The following POU2AF2 variants were observed in gnomAD, a reference collection of about 807,000 sequenced individuals.
POU2AF2 encodes the protein POU domain class 2-associating factor 2.
the POU2AF2 span, among the ~76,000 whole-genome samples, chr11:111,256,625 G>T: frequency 2.0e-5 from 3 of 152,204 alleles, no homozygotes; most frequent in African/African-American, 7.2e-5. Flanking sequence ...AATGAGTTAG[G>T]CAAAATGACC....
At chr11:111,246,106 G>A in the POU2AF2 span, among the ~76,000 whole-genome samples, 13 of 152,246 alleles carry the variant, frequency 8.5e-5, no homozygotes, top group Non-Finnish European at 1.9e-4. Flanking sequence ...AGAGTTTACA[G>A]AGATATTCTG....
chr11:111,251,257 G>A, the POU2AF2 span, among the ~76,000 whole-genome samples: 3 of 152,174 alleles, frequency 2.0e-5, no homozygotes, highest in Admixed American at 1.3e-4. Context: ...AATTGCTAAA[G>A]AATAGGCTGT....
At chr11:111,249,567 C>T in the POU2AF2 span, among the ~76,000 whole-genome samples, 1 of 152,294 alleles carries the variant, frequency 6.6e-6, no homozygotes, top group South Asian at 2.1e-4. Flanking sequence ...AGAAAGATTT[C>T]ACCCTCACAT....
At chr11:111,284,101 C>G in the POU2AF2 span, 1 of 1,614,176 alleles carries the variant, frequency 6.2e-7, no homozygotes, top group Non-Finnish European at 8.5e-7. Flanking sequence ...CAGGTTACTA[C>G]GGTGTCAGAA....
chr11:111,266,073 C>T, the POU2AF2 span, among the ~76,000 whole-genome samples: 37 of 152,090 alleles, frequency 2.4e-4, 1 homozygote, highest in South Asian at 1.2e-3. Flanking sequence ...TATAATTATA[C>T]TTATCCATCA....
chr11:111,260,426 T>G, the POU2AF2 span, among the ~76,000 whole-genome samples: 1 of 152,206 alleles, frequency 6.6e-6, no homozygotes, highest in South Asian at 2.1e-4. Flanking sequence ...TTAAGTGAAG[T>G]ATCTTTAGAA....
the POU2AF2 span, among the ~76,000 whole-genome samples, chr11:111,253,620 G>A: frequency 4.6e-5 from 7 of 152,034 alleles, no homozygotes; most frequent in East Asian, 5.8e-4. Flanking sequence ...TGATCTTCCC[G>A]CAGCTTTGTG....
the POU2AF2 span, among the ~76,000 whole-genome samples, chr11:111,247,262 T>C: frequency 6.6e-6 from 1 of 151,082 alleles, no homozygotes; most frequent in Non-Finnish European, 1.5e-5. Context: ...GCTGTTTAGG[T>C]TGTCTCTGTA....
chr11:111,273,923 G>T, the POU2AF2 span, among the ~76,000 whole-genome samples: 1 of 152,166 alleles, frequency 6.6e-6, no homozygotes, highest in African/African-American at 2.4e-5. Flanking sequence ...GGATCCTGTT[G>T]TTTGCAGTAT....
chr11:111,251,065 C>A, the POU2AF2 span, among the ~76,000 whole-genome samples: 3 of 152,180 alleles, frequency 2.0e-5, no homozygotes, highest in African/African-American at 7.2e-5. Context: ...AAGGATCATC[C>A]TGTCTACTGT....
the POU2AF2 span, chr11:111,256,096 A>T: frequency 2.5e-6 from 1 of 399,076 alleles, no homozygotes; most frequent in Admixed American, 4.4e-5. Context: ...ACTTAATGTA[A>T]GTCCCAATTT....
the POU2AF2 span, among the ~76,000 whole-genome samples, chr11:111,263,263 A>G: frequency 1.8e-3 from 271 of 152,156 alleles, 10 homozygotes; most frequent in South Asian, 0.054. Context: ...TACTTCAAAT[A>G]TTTCCATTTC....
chr11:111,264,560 GAA>G, the POU2AF2 span, among the ~76,000 whole-genome samples: 3,347 of 56,162 alleles, frequency 0.06, 428 homozygotes, highest in Middle Eastern at 0.11. Flanking sequence ...AAGAAAGAAA[GAA>G]AGAAAGAAAG....
chr11:111,275,901 T>C, the POU2AF2 span, among the ~76,000 whole-genome samples: 1 of 152,106 alleles, frequency 6.6e-6, no homozygotes. Flanking sequence ...TACAGTTGAA[T>C]AAAGAATTAG....
At chr11:111,284,134 C>T in the POU2AF2 span, 1 of 1,614,222 alleles carries the variant, frequency 6.2e-7, no homozygotes, top group Non-Finnish European at 8.5e-7. Flanking sequence ...CTGACTCAGA[C>T]TTCCACAACA....
At chr11:111,262,488 C>G in the POU2AF2 span, among the ~76,000 whole-genome samples, 5 of 152,244 alleles carry the variant, frequency 3.3e-5, no homozygotes, top group Non-Finnish European at 7.3e-5. Flanking sequence ...ATCATGACAT[C>G]TAGATCTGTG....
At chr11:111,253,776 T>C in the POU2AF2 span, among the ~76,000 whole-genome samples, 3 of 152,184 alleles carry the variant, frequency 2.0e-5, no homozygotes, top group South Asian at 6.2e-4. Flanking sequence ...AGAAACATCA[T>C]GATTGACCCC....
chr11:111,265,814 C>T, the POU2AF2 span, among the ~76,000 whole-genome samples: 2 of 151,340 alleles, frequency 1.3e-5, no homozygotes, highest in Admixed American at 1.3e-4. Flanking sequence ...ATAAGTGAAA[C>T]CATTAGAAAG....
At chr11:111,254,780 C>T in the POU2AF2 span, among the ~76,000 whole-genome samples, 26 of 152,096 alleles carry the variant, frequency 1.7e-4, no homozygotes, top group African/African-American at 6.3e-4. Flanking sequence ...GGTTATGTGC[C>T]TCATACGTAC....
Sources: allele counts gnomAD v4.1 joint callset (sites outside exome capture counted in the v4.1 genomes callset), GRCh38; gene constraint gnomAD v4.1.1; transcripts MANE v1.5; gene names NCBI Gene and HGNC (gene_info 2026-07-23, HGNC 2026-07-21).